Variants in PCDH15 observed in about 807,000 individuals in gnomAD.
PCDH15 encodes protocadherin related 15, also known as protocadherin-15.
PCDH15 carries 129 observed loss-of-function variants against 178.5 expected under a neutral mutation model. The observed-to-expected ratio is 0.72, with a 90% CI of 0.63 to 0.84. The LOEUF is 0.84. PCDH15 is among the 40% of genes least tolerant of loss of function. The probability of loss-of-function intolerance (pLI) is 0.00; values close to 1 mark genes in which losing one functional copy is unlikely to be tolerated. For missense variants in PCDH15, 2,230 were observed against 2,099.9 expected (o/e 1.06, Z -1.21); for synonymous variants, 800 against 732.0 (o/e 1.09, Z -1.50).
intron 9 of PCDH15, among the ~76,000 whole-genome samples, chr10:54,223,215 G>C (rs1394462189): frequency 1.3e-5 from 2 of 150,318 alleles, no homozygotes; most frequent in African/African-American, 4.9e-5. Flanking sequence ...GAGGCTGAGG[G>C]AGGAGAATTG....
At chr10:54,774,511 A>G (rs1253536950) in intron 1 of PCDH15, among the ~76,000 whole-genome samples, 1 of 152,196 alleles carries the variant, frequency 6.6e-6, no homozygotes, top group Non-Finnish European at 1.5e-5. Flanking sequence ...AAGAATAGAC[A>G]CACACACAAG....
At chr10:54,455,578 A>T (rs961288874) in intron 3 of PCDH15, among the ~76,000 whole-genome samples, 1 of 152,164 alleles carries the variant, frequency 6.6e-6, no homozygotes, top group African/African-American at 2.4e-5. Context: ...GGTATCTGGC[A>T]GAAAAAATTC....
intron 2 of PCDH15, among the ~76,000 whole-genome samples, chr10:55,449,558 A>C (rs1230451588): frequency 6.6e-6 from 1 of 152,144 alleles, no homozygotes; most frequent in African/African-American, 2.4e-5. Context: ...CAATTTTTAA[A>C]GAACTAAAAC....
intron 1 of PCDH15, among the ~76,000 whole-genome samples, chr10:54,741,114 A>G (rs1944744167): frequency 6.6e-6 from 1 of 151,822 alleles, no homozygotes. Flanking sequence ...GTATCAAAAT[A>G]CCATATGTAC....
chr10:54,582,246 A>G (rs2091106473), intron 2 of PCDH15, among the ~76,000 whole-genome samples: 1 of 152,146 alleles, frequency 6.6e-6, no homozygotes, highest in African/African-American at 2.4e-5. Context: ...GAAAAAAATA[A>G]CCCTATTAAA....
intron 2 of PCDH15, among the ~76,000 whole-genome samples, chr10:54,903,130 T>C: frequency 6.6e-6 from 1 of 152,038 alleles, no homozygotes; most frequent in South Asian, 2.1e-4. Flanking sequence ...TTCATAAAGA[T>C]GACGGTTGGA....
At chr10:54,350,119 G>T (rs768009522) in intron 5 of PCDH15, among the ~76,000 whole-genome samples, 2 of 151,922 alleles carry the variant, frequency 1.3e-5, no homozygotes, top group African/African-American at 2.4e-5. Flanking sequence ...TAATTTTAAG[G>T]TCTTTTTTAG....
At chr10:53,839,364 TATTA>T (rs1164768416) in intron 29 of PCDH15, among the ~76,000 whole-genome samples, 2 of 152,058 alleles carry the variant, frequency 1.3e-5, no homozygotes, top group African/African-American at 2.4e-5. Context: ...ATTCAGAATT[TATTA>T]ATTTGAATAA....
At chr10:54,175,473 A>G (rs1452755387) in intron 13 of PCDH15, among the ~76,000 whole-genome samples, 2 of 152,220 alleles carry the variant, frequency 1.3e-5, no homozygotes, top group Non-Finnish European at 2.9e-5. Context: ...GCTTTACATA[A>G]TTTATGAGAA....
chr10:54,661,987 G>C (rs2094499735), intron 2 of PCDH15, among the ~76,000 whole-genome samples: 1 of 151,826 alleles, frequency 6.6e-6, no homozygotes, highest in Non-Finnish European at 1.5e-5. Context: ...TTAGACATTG[G>C]CCTAGGCAAA....
chr10:54,630,247 A>G (rs1323909544), intron 2 of PCDH15, among the ~76,000 whole-genome samples: 1 of 152,194 alleles, frequency 6.6e-6, no homozygotes, highest in African/African-American at 2.4e-5. Context: ...GAGGCATCAC[A>G]TTACCTGTTT....
At chr10:54,472,237 C>T (rs2077966595) in intron 3 of PCDH15, among the ~76,000 whole-genome samples, 1 of 149,464 alleles carries the variant, frequency 6.7e-6, no homozygotes. Flanking sequence ...AACTGCATGA[C>T]TTAGAACTAA....
intron 3 of PCDH15, among the ~76,000 whole-genome samples, chr10:54,516,863 C>T (rs1036287517): frequency 5.3e-5 from 8 of 152,148 alleles, no homozygotes; most frequent in Non-Finnish European, 1.0e-4. Context: ...GCAGATCTCT[C>T]GGCAGAAACT....
chr10:55,186,157 A>C (rs1839794363), intron 1 of PCDH15, among the ~76,000 whole-genome samples: 1 of 151,590 alleles, frequency 6.6e-6, no homozygotes, highest in Non-Finnish European at 1.5e-5. Flanking sequence ...ATATTGAAAA[A>C]ATACATTATT....
intron 2 of PCDH15, among the ~76,000 whole-genome samples, chr10:54,940,485 G>T (rs908893022): frequency 1.3e-5 from 2 of 152,088 alleles, no homozygotes; most frequent in Admixed American, 6.6e-5. Flanking sequence ...CATTTGAAAA[G>T]AAAGTATATA....
intron 2 of PCDH15, among the ~76,000 whole-genome samples, chr10:55,546,478 T>C (rs1348251916): frequency 6.6e-6 from 1 of 152,150 alleles, no homozygotes; most frequent in African/African-American, 2.4e-5. Context: ...TATTATTGAG[T>C]GTCATTTATT....
At chr10:55,349,609 A>G (rs1411723268) in intron 2 of PCDH15, among the ~76,000 whole-genome samples, 1 of 152,084 alleles carries the variant, frequency 6.6e-6, no homozygotes, top group Non-Finnish European at 1.5e-5. Context: ...ATTCAATGAG[A>G]GATCAAATGG....
chr10:54,424,295 A>G (rs904166652), intron 3 of PCDH15, among the ~76,000 whole-genome samples: 8 of 151,948 alleles, frequency 5.3e-5, no homozygotes, highest in African/African-American at 1.7e-4. Flanking sequence ...AATGCAACTC[A>G]AAACCACAAT....
intron 23 of PCDH15, among the ~76,000 whole-genome samples, chr10:53,945,014 C>T (rs1196981856): frequency 6.6e-6 from 1 of 152,138 alleles, no homozygotes; most frequent in Non-Finnish European, 1.5e-5. Context: ...ACTAAAATTC[C>T]AAAATCACCT....
Sources: allele counts gnomAD v4.1 joint callset (sites outside exome capture counted in the v4.1 genomes callset), GRCh38; gene constraint gnomAD v4.1.1; transcripts MANE v1.5; gene names NCBI Gene and HGNC (gene_info 2026-07-23, HGNC 2026-07-21).